The following HSD17B12 variants were observed in gnomAD, a reference collection of about 807,000 sequenced individuals.
HSD17B12 encodes hydroxysteroid 17-beta dehydrogenase 12.
In HSD17B12, 32 loss-of-function variants were observed where a neutral mutation model predicts 39.3. The ratio of observed to expected loss-of-function variants is 0.81; its 90% CI spans 0.61 to 1.09. The LOEUF (loss-of-function observed/expected upper bound fraction) is 1.09, where lower values mean the gene tolerates loss of function less well. Among genes scored for constraint, HSD17B12 ranks in the 50% least tolerant of loss-of-function variants. HSD17B12 has a pLI of 0.00. For synonymous variants in HSD17B12, 150 were observed against 146.7 expected, an observed-to-expected ratio of 1.02 and a Z score of -0.16; for missense variants, 342 against 382.9, an observed-to-expected ratio of 0.89 and a Z score of 0.89.
Position 43,831,016 on chromosome 11 carries a change from TC to T in HSD17B12, c.536+7del. 6.2e-7 allele frequency: 1 copy of T among 1,605,346 alleles called. No individual in the cohort carries two copies. The highest frequency in any genetic ancestry group is 1.7e-5 in the Admixed American group (1 of 58,946). On this transcript the variant is annotated splice_region_variant and intron_variant, in intron 7 of 10. Transcript: ENST00000278353. The surrounding 1 kb of genome is among the most constrained non-coding windows in gnomAD (Gnocchi z 4.1). ...CTGCCTGGCATGGTGGAAAGGTGAG[TC>T]ACAAGCTCACATACAAACACTGTGG...
chr11:43,660,006 G>C, the HSD17B12 span, among the ~76,000 whole-genome samples: 1 of 152,124 alleles, frequency 6.6e-6, no homozygotes. Flanking sequence ...CTCCACGCCT[G>C]CTAGCCAAAT....
the HSD17B12 span, among the ~76,000 whole-genome samples, chr11:43,582,608 G>T: frequency 6.6e-6 from 1 of 152,168 alleles, no homozygotes. Context: ...GAACCTTCAC[G>T]TTTTCGGGGA....
intron 1 of HSD17B12, among the ~76,000 whole-genome samples, chr11:43,747,778 C>T (rs757607653): frequency 1.3e-5 from 2 of 152,210 alleles, no homozygotes; most frequent in Non-Finnish European, 2.9e-5. Flanking sequence ...CCATTTTGCC[C>T]TGAACGTCTG....
chr11:43,840,664 A>C (rs1232267795), intron 9 of HSD17B12, among the ~76,000 whole-genome samples: 4 of 152,150 alleles, frequency 2.6e-5, no homozygotes, highest in African/African-American at 9.7e-5. Flanking sequence ...TTCACTTAGC[A>C]TGTCTTCAGA....
the HSD17B12 span, among the ~76,000 whole-genome samples, chr11:43,590,434 T>G: frequency 1.1e-5 from 1 of 88,970 alleles, no homozygotes; most frequent in South Asian, 3.5e-4. Context: ...ATTTTAAGTT[T>G]AGCAAAAAAA....
At chr11:43,667,693 G>T in the HSD17B12 span, among the ~76,000 whole-genome samples, 1 of 152,010 alleles carries the variant, frequency 6.6e-6, no homozygotes, top group Non-Finnish European at 1.5e-5. Flanking sequence ...CATAGCCTGA[G>T]GTTAATTTCA....
At chr11:43,649,898 A>T in the HSD17B12 span, among the ~76,000 whole-genome samples, 1 of 152,234 alleles carries the variant, frequency 6.6e-6, no homozygotes, top group African/African-American at 2.4e-5. Flanking sequence ...GCAAGTGAAG[A>T]AGCCCTGGAG....
the HSD17B12 span, among the ~76,000 whole-genome samples, chr11:43,594,947 C>T: frequency 6.6e-6 from 1 of 152,176 alleles, no homozygotes; most frequent in African/African-American, 2.4e-5. Context: ...TAGTCAGAGC[C>T]TTTTTATTGG....
chr11:43,714,298 G>T (rs1030101232), intron 1 of HSD17B12, among the ~76,000 whole-genome samples: 2 of 152,146 alleles, frequency 1.3e-5, no homozygotes, highest in African/African-American at 4.8e-5. Context: ...ATTAATTTTT[G>T]TATAAGATGT....
chr11:43,806,617 C>T (rs1475057984), intron 4 of HSD17B12, among the ~76,000 whole-genome samples: 1 of 152,032 alleles, frequency 6.6e-6, no homozygotes, highest in Admixed American at 6.6e-5. Flanking sequence ...CACATGTTCT[C>T]ACTCATATGT....
chr11:43,665,198 C>T, the HSD17B12 span, among the ~76,000 whole-genome samples: 2 of 152,146 alleles, frequency 1.3e-5, no homozygotes, highest in African/African-American at 4.8e-5. Flanking sequence ...CATGTCTTGA[C>T]AAAGGTTGTT....
the HSD17B12 span, among the ~76,000 whole-genome samples, chr11:43,558,202 G>C: frequency 1.3e-5 from 2 of 152,158 alleles, no homozygotes; most frequent in African/African-American, 2.4e-5. Flanking sequence ...GCTTGGGGAA[G>C]AGAGGTGGAG....
intron 3 of HSD17B12, among the ~76,000 whole-genome samples, chr11:43,769,089 G>A (rs1008202797): frequency 1.3e-5 from 2 of 152,190 alleles, no homozygotes; most frequent in African/African-American, 4.8e-5. Flanking sequence ...ACAGGGGCCT[G>A]CCACCACTCC....
At chr11:43,716,858 G>A (rs1340472465) in intron 1 of HSD17B12, among the ~76,000 whole-genome samples, 2 of 151,514 alleles carry the variant, frequency 1.3e-5, no homozygotes, top group Non-Finnish European at 2.9e-5. Flanking sequence ...GAAGGAGGCA[G>A]GGGAAAGGTG....
intron 1 of HSD17B12, among the ~76,000 whole-genome samples, chr11:43,747,235 T>TTC (rs1950420261): frequency 6.6e-6 from 1 of 152,184 alleles, no homozygotes; most frequent in Admixed American, 6.5e-5. Flanking sequence ...ACAGAAGAAT[T>TTC]AAGACATGTA....
chr11:43,780,473 G>GT (rs1457101571), intron 3 of HSD17B12, among the ~76,000 whole-genome samples: 3 of 151,940 alleles, frequency 2.0e-5, no homozygotes, highest in African/African-American at 2.4e-5. Flanking sequence ...TGGCCTATGT[G>GT]TATCATATTC....
At chr11:43,583,679 G>GT in the HSD17B12 span, among the ~76,000 whole-genome samples, 14 of 144,270 alleles carry the variant, frequency 9.7e-5, no homozygotes, top group African/African-American at 7.8e-5. Flanking sequence ...GGAGGGCAAA[G>GT]TGGGGGGGGG....
intron 3 of HSD17B12, among the ~76,000 whole-genome samples, chr11:43,783,273 T>C (rs755623426): frequency 6.6e-6 from 1 of 152,192 alleles, no homozygotes; most frequent in Non-Finnish European, 1.5e-5. Context: ...TCAATGTTAA[T>C]TTCTTGATTT....
At chr11:43,709,271 G>A (rs1236174964) in intron 1 of HSD17B12, among the ~76,000 whole-genome samples, 9 of 152,148 alleles carry the variant, frequency 5.9e-5, no homozygotes, top group Admixed American at 1.3e-4. Flanking sequence ...GATTACAGGC[G>A]CGCACCACCA....
Sources: gnomAD v4.1 joint callset for allele counts (sites outside exome capture counted in the v4.1 genomes callset) on GRCh38, gnomAD v4.1.1 for gene constraint, Gnocchi (gnomAD v3.1) non-coding constraint, MANE v1.5 for transcripts, NCBI Gene and HGNC (gene_info 2026-07-23, HGNC 2026-07-21) for gene names.